The following ABCA8 variants were observed in gnomAD, a reference collection of about 807,000 sequenced individuals.
ABCA8 encodes the protein ATP binding cassette subfamily A member 8.
A neutral mutation model predicts 192.3 loss-of-function variants in ABCA8; 177 were observed. The ratio of observed to expected loss-of-function variants is 0.92; its 90% CI spans 0.81 to 1.04. The LOEUF (loss-of-function observed/expected upper bound fraction) is 1.04. Ranked by LOEUF, ABCA8 falls within the 50% of genes least tolerant of loss-of-function variation. The pLI, the probability that ABCA8 is intolerant of heterozygous loss-of-function variation, is 0.00. For synonymous variants in ABCA8, 642 were observed against 690.2 expected, an observed-to-expected ratio of 0.93 and a Z score of 1.09; for missense variants, 1,915 against 1,904.8, an observed-to-expected ratio of 1.01 and a Z score of -0.10.
chr17:68,891,717 C>A, intron 23 of ABCA8, 121 bp from the exon 24 acceptor site: 1 of 655,936 alleles, frequency 1.5e-6, no homozygotes, highest in Non-Finnish European at 2.5e-6. Context: ...TTTTGAGATT[C>A]CCAGATTCCT....
intron 21 of ABCA8, among the ~76,000 whole-genome samples, chr17:68,897,653 A>G (rs2066800190): frequency 6.6e-6 from 1 of 152,190 alleles, no homozygotes; most frequent in Non-Finnish European, 1.5e-5. Flanking sequence ...TACCAATAAA[A>G]AGTTATTTCA....
chr17:68,921,885 A>G (rs1405705123), intron 12 of ABCA8, among the ~76,000 whole-genome samples: 1 of 152,140 alleles, frequency 6.6e-6, no homozygotes, highest in African/African-American at 2.4e-5. Flanking sequence ...AAAGAAAAAC[A>G]TACAGTATCT....
chr17:68,946,634 T>C (rs1043200058), intron 2 of ABCA8, among the ~76,000 whole-genome samples: 6 of 152,182 alleles, frequency 3.9e-5, no homozygotes, highest in Non-Finnish European at 5.9e-5. Context: ...ATTAGTTTAA[T>C]GAGCAAGAAA....
intron 21 of ABCA8, 80 bp from the exon 22 acceptor site, chr17:68,895,093 G>A (rs563254253): frequency 7.9e-7 from 1 of 1,267,638 alleles, no homozygotes; most frequent in Non-Finnish European, 1.1e-6. Flanking sequence ...TACAGTTAAT[G>A]TCATTATGTG....
chr17:68,907,307 A>C (rs2067094920), intron 18 of ABCA8, among the ~76,000 whole-genome samples: 1 of 152,150 alleles, frequency 6.6e-6, no homozygotes, highest in African/African-American at 2.4e-5. Flanking sequence ...GTTAAGGAAC[A>C]AGTTCCCTGA....
At position 68,868,041 on chromosome 17, in the gene ABCA8, T is replaced by TA. The variant is rs745811766; in HGVS notation, c.*43dup. ...TTGCTGCTATAAAAATAAATGTATT[T>TA]AAAAAAAACCACGGGTTTAAACAGG... On this transcript the variant is annotated 3_prime_UTR_variant, in exon 40 of 40. Transcript: ENST00000586539. 1.2e-4 allele frequency: 173 copies of TA among 1,394,288 alleles called. No homozygotes were observed. The highest frequency in any genetic ancestry group is 2.3e-4 in the Middle Eastern group (1 of 4,368). 86.4% of individuals were successfully genotyped at this position (1,394,288 alleles called of 1,614,324 possible).
chr17:68,913,441 A>G (rs949113514), intron 17 of ABCA8, among the ~76,000 whole-genome samples: 2 of 152,036 alleles, frequency 1.3e-5, no homozygotes, highest in Non-Finnish European at 2.9e-5. Context: ...ACAATACAAA[A>G]AGTTGAAAAA....
chr17:68,945,539 A>C (rs1285325287), intron 2 of ABCA8, among the ~76,000 whole-genome samples: 1 of 152,164 alleles, frequency 6.6e-6, no homozygotes, highest in African/African-American at 2.4e-5. Flanking sequence ...AGAAGTCATA[A>C]ATGCACATTC....
chr17:68,896,928 T>C (rs981586385), intron 21 of ABCA8, among the ~76,000 whole-genome samples: 1 of 152,218 alleles, frequency 6.6e-6, no homozygotes, highest in East Asian at 1.9e-4. Flanking sequence ...GTTATAGCCA[T>C]AGTGCATGAT....
rs901826765 is a variant in ABCA8, at chr17:68,869,648, G to T, written c.4711+52C>A. On this transcript the variant is annotated intron_variant, in intron 38 of 39. Transcript: ENST00000586539. The stretch of plus-strand genomic sequence containing the variant: ...TTTGTCATAAAGGTGATTATTTTAT[G>T]ATTTGAAATTATCTTCTTTCCAGGG... The T allele has an allele frequency of 5.8e-6, 7 of 1,211,930 alleles. No homozygotes were observed. In the East Asian group the frequency reaches 7.0e-5, roughly 12 times the overall value. 75.1% of individuals were successfully genotyped at this position (1,211,930 alleles called of 1,614,324 possible).
intron 17 of ABCA8, among the ~76,000 whole-genome samples, chr17:68,913,268 T>C (rs2067268528): frequency 6.6e-6 from 1 of 152,066 alleles, no homozygotes; most frequent in Non-Finnish European, 1.5e-5. Context: ...ATGGAGAATT[T>C]ATAGCAATAA....
At chr17:68,876,401 G>A in intron 35 of ABCA8, 59 bp downstream of exon 35, 2 of 1,603,252 alleles carry the variant, frequency 1.2e-6, no homozygotes, top group Admixed American at 1.7e-5. Context: ...GAAGAAAAAT[G>A]GTTCACAGGC....
chr17:68,943,032 T>G (rs2068276353), intron 2 of ABCA8, among the ~76,000 whole-genome samples: 1 of 152,172 alleles, frequency 6.6e-6, no homozygotes, highest in Non-Finnish European at 1.5e-5. Context: ...TCTAAGACAA[T>G]TTAATGGGAT....
At chr17:68,953,306 G>C (rs973776140) in intron 1 of ABCA8, among the ~76,000 whole-genome samples, 1 of 152,186 alleles carries the variant, frequency 6.6e-6, no homozygotes. Context: ...TGAAGCAAGT[G>C]ATCTCCCTCC....
intron 21 of ABCA8, among the ~76,000 whole-genome samples, chr17:68,901,534 G>A (rs370679728): frequency 6.6e-6 from 1 of 152,174 alleles, no homozygotes; most frequent in African/African-American, 2.4e-5. Context: ...GAGGCCGGGC[G>A]CGGTGGCTCA....
At chr17:68,917,263 A>G (rs556404439) in intron 17 of ABCA8, 98 bp downstream of exon 17, 1 of 740,342 alleles carries the variant, frequency 1.4e-6, no homozygotes, top group South Asian at 2.5e-5. Flanking sequence ...AAAACAAAAA[A>G]TAACAATAAT....
chr17:68,900,538 CA>C (rs35696026), intron 21 of ABCA8, among the ~76,000 whole-genome samples: 34,736 of 108,458 alleles, frequency 0.32, 4,103 homozygotes, highest in African/African-American at 0.43. Context: ...CACAAAGTCT[CA>C]AAAAAAAAAA....
intron 5 of ABCA8, 89 bp downstream of exon 5, chr17:68,936,862 C>T (rs4147967): frequency 0.34 from 391,278 of 1,160,900 alleles, 69,953 homozygotes; most frequent in East Asian, 0.52. Context: ...TAGTGATGCT[C>T]TAATTTGGCA....
At chr17:68,910,873 G>A (rs1022046169) in intron 17 of ABCA8, among the ~76,000 whole-genome samples, 1 of 152,142 alleles carries the variant, frequency 6.6e-6, no homozygotes, top group African/African-American at 2.4e-5. Flanking sequence ...AAAAGACCCA[G>A]TTCTGGCAGA....
Sources: allele counts gnomAD v4.1 joint callset (sites outside exome capture counted in the v4.1 genomes callset), GRCh38; gene constraint gnomAD v4.1.1; transcripts MANE v1.5; gene names NCBI Gene and HGNC (gene_info 2026-07-23, HGNC 2026-07-21).